ACSM4: variants seen among roughly 807,000 people sequenced by gnomAD.
ACSM4 encodes the protein acyl-CoA synthetase medium chain family member 4.
In ACSM4, 66 loss-of-function variants were observed where a neutral mutation model predicts 73.0. The observed-to-expected ratio is 0.90, with a 90% CI of 0.74 to 1.11. The LOEUF is 1.11. ACSM4 is among the 50% of genes least tolerant of loss of function. The pLI is 0.00. For missense variants in ACSM4, 645 were observed against 714.4 expected, an observed-to-expected ratio of 0.90 and a Z score of 1.11; for synonymous variants, 222 against 254.0, an observed-to-expected ratio of 0.87 and a Z score of 1.20.
In ACSM4 at chr12:7,306,614, GGCT is replaced by G. The variant is rs1384798748; in HGVS notation, c.284_286del (p.Gly95_Ser96delinsAla). On this transcript the variant is annotated inframe_deletion, in exon 2 of 13. Transcript: ENST00000399422. ...GGTAAAATGGAGCTTCAGAGAACTG[GGCT>G]CCTTGTCCCGAAAAGCTGCCAACGT... 1 of 1,604,150 alleles carries G rather than the reference GGCT, an allele frequency of 6.2e-7. No homozygotes were observed. Among genetic ancestry groups the G allele is most frequent in the Admixed American group, 1.7e-5 (1 of 58,516 alleles).
At chr12:7,323,171 G>A (rs1591846237) in intron 7 of ACSM4, 63 bp from the exon 8 acceptor site, 1 of 1,421,790 alleles carries the variant, frequency 7.0e-7, no homozygotes, top group East Asian at 2.5e-5. Context: ...AATTTTCATT[G>A]CCATGATATA....
intron 12 of ACSM4, 22 bp from the exon 13 acceptor site, chr12:7,328,265 C>T (rs1375586019): frequency 6.5e-7 from 1 of 1,544,758 alleles, no homozygotes; most frequent in Non-Finnish European, 8.8e-7. Flanking sequence ...AGTGTCTCAT[C>T]ACGTTTTTTT....
rs1673414429 is a variant in ACSM4, at chr12:7,323,528, A to G, written c.1276A>G (p.Thr426Ala). The change falls in exon 9 of 13, where the codon ACA (threonine) becomes GCA (alanine). Residue 426 changes from threonine to alanine, a missense_variant. Physicochemically the swap from Thr to Ala is moderately conservative, Grantham distance 58 (BLOSUM62 0). Coordinates refer to ENST00000399422, the MANE Select transcript of ACSM4 (RefSeq NM_001080454.2). Reference protein sequence around the residue: ...EGEIALRLKPTRPFCFFSKYV... With the variant: ...EGEIALRLKPARPFCFFSKYV... ...GGAAATTGCCCTCAGACTCAAACCT[A>G]CACGGCCCTTCTGTTTCTTCTCTAA... 2 of 1,613,724 alleles carry G rather than the reference A, an allele frequency of 1.2e-6. No individual in the cohort carries two copies. Among genetic ancestry groups the G allele is most frequent in the African/African-American group, 2.7e-5 (2 of 74,932 alleles).
chr12:7,327,835 C>T (rs1380158349), intron 12 of ACSM4, among the ~76,000 whole-genome samples: 1 of 152,034 alleles, frequency 6.6e-6, no homozygotes, highest in East Asian at 1.9e-4. Context: ...GAGAAGAGAA[C>T]AAAAAGAGGA....
chr12:7,318,937 G>A (rs1032220415), intron 5 of ACSM4, among the ~76,000 whole-genome samples: 10 of 152,192 alleles, frequency 6.6e-5, no homozygotes, highest in African/African-American at 9.7e-5. Flanking sequence ...GACTGGATTC[G>A]TGGAAGACAA....
intron 5 of ACSM4, among the ~76,000 whole-genome samples, chr12:7,319,205 C>T (rs1173299454): frequency 1.3e-5 from 2 of 152,296 alleles, no homozygotes; most frequent in East Asian, 1.9e-4. Context: ...CTAGATCCCT[C>T]ACATGCACAG....
At chr12:7,312,101 A>G (rs1401202700) in intron 3 of ACSM4, among the ~76,000 whole-genome samples, 3 of 152,242 alleles carry the variant, frequency 2.0e-5, no homozygotes, top group African/African-American at 7.2e-5. Context: ...TATGGCCCAC[A>G]AAGCCTAAGC....
In ACSM4 at chr12:7,317,211, C is replaced by A; in HGVS notation, c.695C>A (p.Thr232Asn). The change falls in exon 4 of 13, where the codon ACC becomes AAC. Residue 232 changes from threonine (T) to asparagine (N), a missense_variant. Physicochemically the swap from Thr to Asn is moderately conservative, Grantham distance 65. Coordinates refer to ENST00000399422, the MANE Select transcript of ACSM4 (RefSeq NM_001080454.2). ...ATGACCATTTATTTCACCAGTGGGA[C>A]CACAGGCTTTCCTAAAATGGCCCAG... Reference protein sequence around the residue: ...EPMTIYFTSGTTGFPKMAQHS... With the variant: ...EPMTIYFTSGNTGFPKMAQHS... 6.2e-7 allele frequency: 1 copy of A among 1,610,704 alleles called. No homozygotes were observed. The highest frequency in any genetic ancestry group is 8.5e-7 in the Non-Finnish European group (1 of 1,178,538).
chr12:7,316,886 T>C (rs1946423849), intron 3 of ACSM4, among the ~76,000 whole-genome samples: 1 of 152,224 alleles, frequency 6.6e-6, no homozygotes. Flanking sequence ...GAAAGTTATC[T>C]TGGCTATTTC....
intron 12 of ACSM4, 37 bp from the exon 13 acceptor site, chr12:7,328,250 A>G (rs370389032): frequency 6.8e-7 from 1 of 1,478,226 alleles, no homozygotes; most frequent in Non-Finnish European, 9.2e-7. Context: ...GGAAGGATGG[A>G]ATCAAGTGTC....
At chr12:7,307,576 A>C (rs2136328399) in intron 2 of ACSM4, among the ~76,000 whole-genome samples, 1 of 152,370 alleles carries the variant, frequency 6.6e-6, no homozygotes, top group East Asian at 1.9e-4. Context: ...CAGACTAACT[A>C]GTATATTCAA....
At chr12:7,325,764 G>A (rs1946499174) in intron 11 of ACSM4, among the ~76,000 whole-genome samples, 1 of 152,192 alleles carries the variant, frequency 6.6e-6, no homozygotes, top group South Asian at 2.1e-4. Context: ...TTAATTCTAG[G>A]AGGAAGCCCT....
At chr12:7,309,951 T>A (rs745878483) in intron 2 of ACSM4, among the ~76,000 whole-genome samples, 5 of 152,238 alleles carry the variant, frequency 3.3e-5, no homozygotes, top group African/African-American at 1.2e-4. Context: ...ACCTGGCTAA[T>A]TTTTGTATTT....
intron 3 of ACSM4, among the ~76,000 whole-genome samples, chr12:7,311,267 T>A (rs1369619462): frequency 6.6e-6 from 1 of 152,084 alleles, no homozygotes. Flanking sequence ...TAGCTCTGCC[T>A]CCCCTCTCCT....
chr12:7,310,921 T>G (rs1304381605), intron 3 of ACSM4, among the ~76,000 whole-genome samples, 175 bp downstream of exon 3: 3 of 152,152 alleles, frequency 2.0e-5, no homozygotes, highest in African/African-American at 7.2e-5. Context: ...ATCCCAGCAC[T>G]TTGGGAGGCT....
intron 4 of ACSM4, 95 bp from the exon 5 acceptor site, chr12:7,317,931 A>T (rs1276065520): frequency 1.2e-5 from 17 of 1,365,470 alleles, no homozygotes; most frequent in Non-Finnish European, 1.6e-5. Flanking sequence ...TGTAGCCCTT[A>T]AGATATAGGG....
At position 7,322,218 on chromosome 12, in the gene ACSM4, G is replaced by A. The variant is rs1282097661; in HGVS notation, c.1002-200G>A. Among the ~76,000 whole-genome samples the A allele has an allele frequency of 2.6e-5, 4 of 152,216 alleles. 1 individual carries two copies. Among genetic ancestry groups the A allele is most frequent in the African/African-American group, 4.8e-5 (2 of 41,520 alleles). Reference sequence around the variant, plus strand: ...AAAATGAAAGCTGTCAGGAATTTTCGTTATAATCACTAATGTGCCCCCATA... The same window carrying A: ...AAAATGAAAGCTGTCAGGAATTTTCATTATAATCACTAATGTGCCCCCATA... On this transcript the variant is annotated intron_variant, in intron 6 of 12. Coordinates refer to ENST00000399422, the MANE Select transcript of ACSM4 (RefSeq NM_001080454.2).
Position 7,327,759 on chromosome 12 carries a change from T to C in ACSM4, c.1657-528T>C, listed in dbSNP as rs759624834. Among the ~76,000 whole-genome samples, 26 of 151,828 alleles carry C rather than the reference T, an allele frequency of 1.7e-4. No individual in the cohort carries two copies. The East Asian group carries it at 3.9e-3, about 23-fold the overall frequency. On this transcript the variant is annotated intron_variant, in intron 12 of 12. Coordinates refer to ENST00000399422, the MANE Select transcript of ACSM4 (RefSeq NM_001080454.2). Reference sequence around the variant, plus strand: ...TAAATCATTGACTAAAGTCACTAAATCAGTGACTGTTGACTTTCAGAAAGG... The same window carrying C: ...TAAATCATTGACTAAAGTCACTAAACCAGTGACTGTTGACTTTCAGAAAGG...
At position 7,324,583 on chromosome 12, in the gene ACSM4, T is replaced by C. The variant is rs1194708451; in HGVS notation, c.1521T>C (p.Asp507=). The C allele has an allele frequency of 3.7e-6, 6 of 1,613,762 alleles. No individual in the cohort carries two copies. In the Admixed American group the frequency reaches 1.0e-4, roughly 27 times the overall value. ...VVESAVVSSP[D]QIRGEVVKAF... The stretch of plus-strand genomic sequence containing the variant: ...AATCGGCTGTTGTCAGTAGTCCAGA[T>C]CAAATCCGCGGAGAGGTAGATGAAT... The change falls in exon 11 of 13, where the codon GAT becomes GAC. Residue 507 remains aspartate (D), a synonymous_variant. Transcript: ENST00000399422.
Sources: allele counts gnomAD v4.1 joint callset (sites outside exome capture counted in the v4.1 genomes callset), GRCh38; gene constraint gnomAD v4.1.1; transcripts MANE v1.5; gene names NCBI Gene and HGNC (gene_info 2026-07-23, HGNC 2026-07-21).